COL5A1: variants seen among roughly 807,000 people sequenced by gnomAD.
COL5A1 encodes the protein collagen type V alpha 1 chain, also known as collagen alpha-1(V) chain.
In COL5A1, 16 loss-of-function variants were observed where a neutral mutation model predicts 263.7. The observed-to-expected ratio is 0.06, with a 90% CI of 0.04 to 0.09. COL5A1 has a LOEUF of 0.09. Among genes scored for constraint, COL5A1 ranks in the 10% least tolerant of loss-of-function variants. The pLI is 1.00. For synonymous variants in COL5A1, 1,012 were observed against 1,004.5 expected (o/e 1.01, Z -0.14); for missense variants, 2,036 against 2,540.5 (o/e 0.80, Z 4.27).
Position 134,727,249 on chromosome 9 carries a change from C to T in COL5A1, c.655-17C>T, listed in dbSNP as rs560814216. The T allele has an allele frequency of 1.9e-5, 31 of 1,612,946 alleles. No individual in the cohort carries two copies. Among genetic ancestry groups the T allele is most frequent in the South Asian group, 8.8e-5 (8 of 91,046 alleles). ...GCTCTGTGAGCTGCTTTTTCATGAG[C>T]GTCTCTTCTTTTCCAGGGTGACATC... On this transcript the variant is annotated splice_polypyrimidine_tract_variant and intron_variant, in intron 4 of 65. Transcript: ENST00000371817.
intron 49 of COL5A1, 51 bp from the exon 50 acceptor site, chr9:134,814,746 G>C (rs916800285): frequency 5.0e-6 from 7 of 1,396,526 alleles, no homozygotes; most frequent in Non-Finnish European, 7.0e-6. Flanking sequence ...CCTTGCTCTG[G>C]GCGGCGACGT....
At chr9:134,769,402 C>T (rs570147849) in intron 25 of COL5A1, among the ~76,000 whole-genome samples, 2 of 152,230 alleles carry the variant, frequency 1.3e-5, no homozygotes, top group Non-Finnish European at 2.9e-5. Flanking sequence ...AGTTTGCATA[C>T]TGAGTGGTTC....
intron 18 of COL5A1, among the ~76,000 whole-genome samples, chr9:134,760,354 C>G (rs1588515900): frequency 1.0e-5 from 1 of 99,896 alleles, no homozygotes; most frequent in Non-Finnish European, 1.9e-5. Context: ...CCCACACACC[C>G]CCACACATAC....
chr9:134,765,668 T>C lies in COL5A1; in HGVS notation c.2035-13T>C, dbSNP rs777591072. 3.1e-6 allele frequency: 5 copies of C among 1,612,772 alleles called. No homozygotes were observed. In the Admixed American group the frequency reaches 8.3e-5, roughly 27 times the overall value. On this transcript the variant is annotated splice_polypyrimidine_tract_variant and intron_variant, in intron 20 of 65. Coordinates refer to ENST00000371817, the MANE Select transcript of COL5A1 (RefSeq NM_000093.5). This position sits in a 1 kb window ranked among gnomAD's most constrained non-coding sequence, Gnocchi z 5.1. ...GCCCGAGTTTAAATCCTATTTTCCC[T>C]TTCCTCTTACAGGGGCCACGTGGTC...
At chr9:134,727,502 T>A in intron 5 of COL5A1, 105 bp downstream of exon 5, 2 of 1,337,360 alleles carry the variant, frequency 1.5e-6, no homozygotes, top group Non-Finnish European at 2.1e-6. Flanking sequence ...ATAAATCCAC[T>A]GGGTGAGAAT....
intron 11 of COL5A1, among the ~76,000 whole-genome samples, chr9:134,747,975 A>G (rs1564428932): frequency 6.7e-6 from 1 of 149,826 alleles, no homozygotes; most frequent in East Asian, 1.9e-4. Flanking sequence ...ACATGCATTC[A>G]CACACACATG....
At chr9:134,820,090 C>T (rs766685328) in intron 57 of COL5A1, 26 bp from the exon 58 acceptor site, 1 of 1,582,548 alleles carries the variant, frequency 6.3e-7, no homozygotes. Context: ...CCTCAAATGC[C>T]CCTTCCTGTC....
Position 134,700,542 on chromosome 9 carries a change from G to A in COL5A1, c.491+420G>A, listed in dbSNP as rs11103471. On this transcript the variant is annotated intron_variant, in intron 3 of 65. Coordinates refer to ENST00000371817, the MANE Select transcript of COL5A1 (RefSeq NM_000093.5). This position sits in a 1 kb window ranked among gnomAD's most constrained non-coding sequence, Gnocchi z 4.0. ...CGGGTCGTGCCAGCACGCTCTGTTG[G>A]GTGCAGACCTCAACACCAGGGGTTG... Among the ~76,000 whole-genome samples, 10,484 of 152,190 alleles carry A rather than the reference G, an allele frequency of 0.069. 403 individuals carry two copies. Among genetic ancestry groups the A allele is most frequent in the South Asian group, 0.092 (443 of 4,808 alleles).
At chr9:134,684,582 C>T (rs2132536560) in intron 1 of COL5A1, among the ~76,000 whole-genome samples, 1 of 152,312 alleles carries the variant, frequency 6.6e-6, no homozygotes. Flanking sequence ...CACTGTAGTC[C>T]TTGCATGAAG....
chr9:134,815,463 T>A, intron 50 of COL5A1, 113 bp from the exon 51 acceptor site: 1 of 1,077,496 alleles, frequency 9.3e-7, no homozygotes, highest in Non-Finnish European at 1.4e-6. Context: ...CTGGAAAGTC[T>A]TAGGAGCTGG....
At chr9:134,830,303 C>T (rs1456197405) in intron 64 of COL5A1, 24 of 941,278 alleles carry the variant, frequency 2.5e-5, no homozygotes, top group Admixed American at 6.5e-5. Flanking sequence ...CTCCACATCA[C>T]GTGACAGCAA....
chr9:134,782,740 G>A lies in COL5A1; in HGVS notation c.2484+20G>A. 1 of 1,515,950 alleles carries A rather than the reference G, an allele frequency of 6.6e-7. No homozygotes were observed. Among genetic ancestry groups the A allele is most frequent in the Non-Finnish European group, 9.1e-7 (1 of 1,099,118 alleles). 93.9% of individuals were successfully genotyped at this position (1,515,950 alleles called of 1,614,324 possible). A position where few individuals can be genotyped will look rare whatever the true frequency, so the allele number is the denominator to read the frequency against. ...GATCGGGTGAGCATCTCAGGTTTGG[G>A]ATTTGGGCTGGGGAAAGCTGGGTGG... On this transcript the variant is annotated intron_variant, in intron 29 of 65. Transcript: ENST00000371817.
chr9:134,658,832 A>C (rs919631685), intron 1 of COL5A1, among the ~76,000 whole-genome samples: 1 of 152,206 alleles, frequency 6.6e-6, no homozygotes, highest in Non-Finnish European at 1.5e-5. Flanking sequence ...GCCCTCTTCA[A>C]GGTCTCTCCG....
In COL5A1 at chr9:134,758,025, C is replaced by A. The variant is rs1465696668; in HGVS notation, c.1882-218C>A. On this transcript the variant is annotated intron_variant, in intron 17 of 65. Transcript: ENST00000371817. This position sits in a 1 kb window ranked among gnomAD's most constrained non-coding sequence, Gnocchi z 4.1. ...GACTTGGGGATGAAAGTCATCTCCC[C>A]CTTTGCAGCCCATGTTCATGTTTGC... Among the ~76,000 whole-genome samples, 1 of 152,208 alleles carries A rather than the reference C, an allele frequency of 6.6e-6. No individual in the cohort carries two copies. The highest frequency in any genetic ancestry group is 2.4e-5 in the African/African-American group (1 of 41,450).
rs863223446 is a variant in COL5A1, at chr9:134,802,894, A to G, written c.3013A>G (p.Thr1005Ala). 3.7e-6 allele frequency: 6 copies of G among 1,611,724 alleles called. No individual in the cohort carries two copies. Among genetic ancestry groups the G allele is most frequent in the African/African-American group, 1.3e-5 (1 of 74,914 alleles). Residue 1005 changes from threonine (T) to alanine (A), a missense_variant, in exon 39 of 66, where the codon ACG becomes GCG. Thr to Ala is a moderately conservative substitution (Grantham distance 58, BLOSUM62 0). Around this residue, in one of 3 missense-constraint regions of COL5A1, gnomAD observed 1,078 missense variants for 1,521.4 expected, o/e 0.71. Coordinates refer to ENST00000371817, the MANE Select transcript of COL5A1 (RefSeq NM_000093.5). ...PPGVVGPQGP[T>A]GETGPMGERG... The stretch of plus-strand genomic sequence containing the variant: ...ACACTGATTTTCCCCACAGGGTCCC[A>G]CGGGAGAAACGGGCCCAATGGGTGA...
chr9:134,745,713 C>G lies in COL5A1; in HGVS notation c.1495-4829C>G, dbSNP rs560011384. Among the ~76,000 whole-genome samples, 6 of 152,256 alleles carry G rather than the reference C, an allele frequency of 3.9e-5. No individual in the cohort carries two copies. In the South Asian group the frequency reaches 1.2e-3, roughly 32 times the overall value. On this transcript the variant is annotated intron_variant, in intron 11 of 65. Coordinates refer to ENST00000371817, the MANE Select transcript of COL5A1 (RefSeq NM_000093.5). ...AATGGTGGGTTCATTTCTTTGGGAT[C>G]CTCGGACAATTGATGACCAACTTGG...
chr9:134,824,508 G>T, intron 61 of COL5A1, 92 bp from the exon 62 acceptor site: 1 of 1,545,974 alleles, frequency 6.5e-7, no homozygotes. Context: ...GGGAACCCCT[G>T]CAGATGTGGC....
At chr9:134,777,722 G>A (rs1296435737) in intron 27 of COL5A1, among the ~76,000 whole-genome samples, 2 of 152,116 alleles carry the variant, frequency 1.3e-5, no homozygotes, top group African/African-American at 4.8e-5. Context: ...GAGCAGCAGC[G>A]TCCCCCAGCC....
At chr9:134,810,385 T>C in intron 44 of COL5A1, 77 bp downstream of exon 44, 1 of 1,399,056 alleles carries the variant, frequency 7.1e-7, no homozygotes, top group South Asian at 1.2e-5. Context: ...CCGTGTGCCA[T>C]GCACGTTCTC....
Sources: gnomAD v4.1 joint callset for allele counts (sites outside exome capture counted in the v4.1 genomes callset) on GRCh38, gnomAD v4.1.1 for gene constraint, gnomAD v4.1.1 regional missense constraint, Gnocchi (gnomAD v3.1) non-coding constraint, MANE v1.5 for transcripts, NCBI Gene and HGNC (gene_info 2026-07-23, HGNC 2026-07-21) for gene names.